The following NFIC variants were observed in gnomAD, a reference collection of about 807,000 sequenced individuals.
NFIC encodes nuclear factor I C.
A neutral mutation model predicts 54.4 loss-of-function variants in NFIC; 12 were observed. The observed-to-expected ratio is 0.22, with a 90% CI of 0.14 to 0.36. NFIC has a LOEUF of 0.36. NFIC is among the 10% of genes least tolerant of loss of function. The pLI is 1.00. For synonymous variants in NFIC, 322 were observed against 319.2 expected (o/e 1.01, Z -0.09); for missense variants, 575 against 718.2 (o/e 0.80, Z 2.28).
Position 3,463,544 on chromosome 19 carries a change from C to T in NFIC, c.*775C>T, listed in dbSNP as rs376897288. The T allele has an allele frequency of 4.1e-6, 4 of 985,064 alleles. No individual in the cohort carries two copies. In the African/African-American group the frequency reaches 7.0e-5, roughly 17 times the overall value. The allele number at this position is 985,064 out of a possible 1,614,324, so 61.0% of individuals were successfully genotyped here. ...GCCCCTCCCAAAGCGCCGGCCGACT[C>T]GCTGTCTCGCTGGGGACTCTTTCAG... On this transcript the variant is annotated 3_prime_UTR_variant, in exon 11 of 11. Transcript: ENST00000443272.
At chr19:3,382,819 A>C (rs957542292) in intron 2 of NFIC, among the ~76,000 whole-genome samples, 24 of 151,956 alleles carry the variant, frequency 1.6e-4, no homozygotes, top group African/African-American at 5.8e-4. Flanking sequence ...TGGTGCAAGG[A>C]GCGTCTGAGG....
chr19:3,427,347 C>T (rs150495005), intron 3 of NFIC, among the ~76,000 whole-genome samples: 171 of 152,268 alleles, frequency 1.1e-3, no homozygotes, highest in African/African-American at 3.9e-3. Context: ...AGTGGAATGT[C>T]ACCTCCTCCA....
intron 2 of NFIC, among the ~76,000 whole-genome samples, chr19:3,385,859 A>T (rs2081288320): frequency 6.7e-6 from 1 of 148,474 alleles, no homozygotes; most frequent in South Asian, 2.2e-4. Context: ...GGCGTGAGCC[A>T]CTGCAACTGG....
chr19:3,367,435 C>T (rs971019560), intron 1 of NFIC, among the ~76,000 whole-genome samples: 3 of 152,090 alleles, frequency 2.0e-5, no homozygotes, highest in Non-Finnish European at 2.9e-5. Flanking sequence ...GGCACTGCGG[C>T]GCTGCGGACG....
At position 3,453,258 on chromosome 19, in the gene NFIC, G is replaced by C. The variant is rs146300298; in HGVS notation, c.1270-505G>C. On this transcript the variant is annotated intron_variant, in intron 8 of 10. Transcript: ENST00000443272. This position sits in a 1 kb window ranked among gnomAD's most constrained non-coding sequence, Gnocchi z 6.7. ...TGTCTCAAAAAGAAAAAAAAGGTTGGGGGGCGGGGGGCAGGAAGACATTGA... is the reference window on the plus strand; with the variant it reads ...TGTCTCAAAAAGAAAAAAAAGGTTGCGGGGCGGGGGGCAGGAAGACATTGA... Among the ~76,000 whole-genome samples, 1,686 of 152,142 alleles carry C rather than the reference G, an allele frequency of 0.011. 37 individuals carry two copies. The highest frequency in any genetic ancestry group is 0.038 in the African/African-American group (1,594 of 41,512).
rs527735931 is a variant in NFIC at position 3,375,140 on chromosome 19, G to A, written c.31-6572G>A. On this transcript the variant is annotated intron_variant, in intron 1 of 10. Coordinates refer to ENST00000443272, the MANE Select transcript of NFIC (RefSeq NM_001245002.2). The surrounding 1 kb of genome is among the most constrained non-coding windows in gnomAD (Gnocchi z 4.6). ...GAGGGGGAATTCAGAGAGAGAGGGG[G>A]GTTGGGGAGAGAAGGAGTTGGGGGG... Among the ~76,000 whole-genome samples the A allele has an allele frequency of 1.3e-5, 2 of 151,076 alleles. No homozygotes were observed. Among genetic ancestry groups the A allele is most frequent in the African/African-American group, 4.9e-5 (2 of 41,164 alleles).
chr19:3,388,296 G>A (rs1383405493), intron 2 of NFIC, among the ~76,000 whole-genome samples: 2 of 152,178 alleles, frequency 1.3e-5, no homozygotes, highest in African/African-American at 2.4e-5. Flanking sequence ...CCCCAACAGC[G>A]ATAATGATGG....
At chr19:3,415,170 T>C (rs2081833309) in intron 2 of NFIC, among the ~76,000 whole-genome samples, 1 of 147,140 alleles carries the variant, frequency 6.8e-6, no homozygotes, top group African/African-American at 2.5e-5. Context: ...TGGAGTGCAG[T>C]GGTACGATCT....
At chr19:3,374,376 C>T (rs1032904047) in intron 1 of NFIC, among the ~76,000 whole-genome samples, 2 of 152,218 alleles carry the variant, frequency 1.3e-5, no homozygotes, top group Non-Finnish European at 2.9e-5. Context: ...TTGCAAGGAA[C>T]AAGGTCACCA....
intron 6 of NFIC, among the ~76,000 whole-genome samples, chr19:3,436,043 G>A (rs956805047): frequency 6.6e-6 from 1 of 152,024 alleles, no homozygotes; most frequent in African/African-American, 2.4e-5. Flanking sequence ...GGTCAGGCTG[G>A]TCTCAAACTC....
At chr19:3,397,640 G>GC (rs1166439286) in intron 2 of NFIC, among the ~76,000 whole-genome samples, 4 of 152,162 alleles carry the variant, frequency 2.6e-5, no homozygotes, top group Non-Finnish European at 4.4e-5. Context: ...TCTCCTCCCA[G>GC]CCCCCCATCC....
chr19:3,385,577 T>TTTTG (rs1449660449), intron 2 of NFIC, among the ~76,000 whole-genome samples: 1 of 148,254 alleles, frequency 6.7e-6, no homozygotes, highest in African/African-American at 2.5e-5. Flanking sequence ...GTTGTTGTTT[T>TTTTG]TTTTTTTTTT....
At chr19:3,401,173 C>A (rs1409885979) in intron 2 of NFIC, among the ~76,000 whole-genome samples, 1 of 152,166 alleles carries the variant, frequency 6.6e-6, no homozygotes, top group Non-Finnish European at 1.5e-5. Context: ...GAGGGGAGGG[C>A]AGTTTGTGCA....
At chr19:3,362,409 C>CTGTGTG (rs35259047), upstream of NFIC, among the ~76,000 whole-genome samples, 1 of 149,154 alleles carries the variant, frequency 6.7e-6, no homozygotes, top group Non-Finnish European at 1.5e-5. Context: ...CCATGTGGGT[C>CTGTGTG]TGTGTGTGTG....
At position 3,467,348 on chromosome 19, in the gene NFIC, G is replaced by A. The variant is rs1212421859; in HGVS notation, c.*4579G>A. 1 of 151,816 alleles carries A rather than the reference G, an allele frequency of 6.6e-6. No individual in the cohort carries two copies. The highest frequency in any genetic ancestry group is 2.4e-5 in the African/African-American group (1 of 41,282). 9.4% of individuals were successfully genotyped at this position (151,816 alleles called of 1,614,324 possible). On this transcript the variant is annotated 3_prime_UTR_variant, in exon 11 of 11. Transcript: ENST00000443272. The stretch of plus-strand genomic sequence containing the variant: ...ATGACCCGGGTGGAGATGGGGCATG[G>A]AGGAGTAGGAAGACCCAGCCCTATT...
At chr19:3,418,856 A>C (rs1568436193) in intron 2 of NFIC, among the ~76,000 whole-genome samples, 2 of 152,174 alleles carry the variant, frequency 1.3e-5, no homozygotes, top group Admixed American at 6.5e-5. Flanking sequence ...CATCTAAATA[A>C]ATAAATACAT....
intron 9 of NFIC, 23 bp from the exon 10 acceptor site, chr19:3,456,527 C>T: frequency 6.4e-7 from 1 of 1,550,502 alleles, no homozygotes; most frequent in Non-Finnish European, 8.7e-7. Context: ...CTAACGGGCT[C>T]TCGGTCTCTC....
intron 1 of NFIC, among the ~76,000 whole-genome samples, chr19:3,376,443 AAAAAAAAAAAAAAAAAG>A (rs2081108584): frequency 6.7e-6 from 1 of 149,744 alleles, no homozygotes; most frequent in South Asian, 2.1e-4. Flanking sequence ...AAAAAAAAAA[AAAAAAAAAAAAAAAAAG>A]GAAAGAAAAT....
chr19:3,369,532 GGTGCCAGCCCGCTCT>G lies in NFIC; in HGVS notation c.30+2873_30+2887del, dbSNP rs2080961438. On this transcript the variant is annotated intron_variant, in intron 1 of 10. Coordinates refer to ENST00000443272, the MANE Select transcript of NFIC (RefSeq NM_001245002.2). The surrounding 1 kb of genome is among the most constrained non-coding windows in gnomAD (Gnocchi z 4.3). ...GCTGGCGGGGGGTGGGGGGCATCTC[GGTGCCAGCCCGCTCT>G]GTGCCACCCGGGCCCGGCCCGCCGA... Among the ~76,000 whole-genome samples, 1 of 152,122 alleles carries G rather than the reference GGTGCCAGCCCGCTCT, an allele frequency of 6.6e-6. No homozygotes were observed. The highest frequency in any genetic ancestry group is 1.5e-5 in the Non-Finnish European group (1 of 68,016).
Sources: gnomAD v4.1 joint callset for allele counts (sites outside exome capture counted in the v4.1 genomes callset) on GRCh38, gnomAD v4.1.1 for gene constraint, Gnocchi (gnomAD v3.1) non-coding constraint, MANE v1.5 for transcripts, NCBI Gene and HGNC (gene_info 2026-07-23, HGNC 2026-07-21) for gene names.